ANK3: variants seen among roughly 807,000 people sequenced by gnomAD.
ANK3 encodes ankyrin-3.
In ANK3, 57 loss-of-function variants were observed where a neutral mutation model predicts 370.9. The observed-to-expected ratio is 0.15, with a 90% CI of 0.12 to 0.19. ANK3 has a LOEUF of 0.19. Ranked by LOEUF, ANK3 falls within the 10% of genes least tolerant of loss-of-function variation. The pLI is 1.00. For missense variants in ANK3, 4,439 were observed against 5,302.1 expected (o/e 0.84, Z 5.06); for synonymous variants, 1,929 against 1,946.3 (o/e 0.99, Z 0.23).
chr10:60,335,715 A>G (rs1309692122), intron 1 of ANK3, among the ~76,000 whole-genome samples: 1 of 152,212 alleles, frequency 6.6e-6, no homozygotes, highest in Non-Finnish European at 1.5e-5. Context: ...ATGGCAGGAC[A>G]TCATCCATAT....
chr10:60,159,770 G>A (rs2132275426), intron 23 of ANK3, among the ~76,000 whole-genome samples: 1 of 152,084 alleles, frequency 6.6e-6, no homozygotes, highest in East Asian at 1.9e-4. Context: ...GAGAAACCTT[G>A]GAAACTATGC....
intron 4 of ANK3, among the ~76,000 whole-genome samples, chr10:60,271,761 G>C (rs936293052): frequency 6.6e-6 from 1 of 151,820 alleles, no homozygotes; most frequent in African/African-American, 2.4e-5. Flanking sequence ...TTATAACTGA[G>C]AATTAGAAAG....
intron 2 of ANK3, among the ~76,000 whole-genome samples, chr10:60,534,530 T>C (rs547478236): frequency 3.9e-5 from 6 of 152,130 alleles, no homozygotes; most frequent in Admixed American, 6.6e-5. Context: ...AAGGGTCCTA[T>C]GCATAAAATA....
chr10:60,365,637 A>G (rs2059289392), intron 1 of ANK3, among the ~76,000 whole-genome samples: 1 of 152,230 alleles, frequency 6.6e-6, no homozygotes, highest in South Asian at 2.1e-4. Flanking sequence ...AGAGAAAAAC[A>G]TCAGGGACTT....
chr10:60,230,119 T>G lies in ANK3; in HGVS notation c.897+4569A>C, dbSNP rs146973011. The stretch of plus-strand genomic sequence containing the variant: ...ATGGAGAGGAGTCAGTGAAAAGAGA[T>G]AGAGAACTCAAGTCTCAAAATGGTT... On this transcript the variant is annotated intron_variant, in intron 8 of 43. Coordinates refer to ENST00000280772, the MANE Select transcript of ANK3 (RefSeq NM_020987.5). Among the ~76,000 whole-genome samples, 307 of 152,300 alleles carry G rather than the reference T, an allele frequency of 2.0e-3. 2 individuals carry two copies. The highest frequency in any genetic ancestry group is 7.1e-3 in the African/African-American group (295 of 41,558).
At chr10:60,149,646 A>T (rs1001058448) in intron 23 of ANK3, among the ~76,000 whole-genome samples, 1 of 152,208 alleles carries the variant, frequency 6.6e-6, no homozygotes, top group South Asian at 2.1e-4. Flanking sequence ...TTCTGTCTAT[A>T]TCCAGGATAT....
At chr10:60,330,206 C>A (rs2050887519) in intron 1 of ANK3, among the ~76,000 whole-genome samples, 1 of 152,130 alleles carries the variant, frequency 6.6e-6, no homozygotes, top group East Asian at 1.9e-4. Flanking sequence ...TAGGCAATAC[C>A]ATTCAGGACA....
chr10:60,706,648 C>G (rs540059376), intron 1 of ANK3, among the ~76,000 whole-genome samples: 5 of 151,814 alleles, frequency 3.3e-5, no homozygotes, highest in African/African-American at 1.2e-4. Context: ...TCTTACATCT[C>G]TCCTTCGTAT....
intron 1 of ANK3, among the ~76,000 whole-genome samples, chr10:60,728,145 C>T (rs558161870): frequency 6.8e-4 from 104 of 152,202 alleles, no homozygotes; most frequent in Middle Eastern, 6.8e-3. Flanking sequence ...ACCAGCCTAC[C>T]ACTGATAATA....
intron 16 of ANK3, 56 bp downstream of exon 16, chr10:60,196,089 A>G: frequency 4.1e-6 from 6 of 1,470,160 alleles, no homozygotes; most frequent in Non-Finnish European, 4.7e-6. Flanking sequence ...AGATGTGCAG[A>G]TAGAGACTGA....
intron 1 of ANK3, among the ~76,000 whole-genome samples, chr10:60,680,202 A>T (rs2133389929): frequency 6.6e-6 from 1 of 152,296 alleles, no homozygotes; most frequent in Non-Finnish European, 1.5e-5. Context: ...AAAAATATAA[A>T]ACTTGCCTTG....
intron 2 of ANK3, among the ~76,000 whole-genome samples, chr10:60,417,875 T>C (rs2063700656): frequency 6.6e-6 from 1 of 152,108 alleles, no homozygotes; most frequent in Non-Finnish European, 1.5e-5. Context: ...AGATAATCAC[T>C]CAAAATAAAA....
At chr10:60,336,603 A>T (rs758890777) in intron 1 of ANK3, among the ~76,000 whole-genome samples, 1 of 147,716 alleles carries the variant, frequency 6.8e-6, no homozygotes, top group Non-Finnish European at 1.5e-5. Context: ...ATCTATTTAC[A>T]TATTTAGCTA....
chr10:60,103,279 G>C (rs2091629586), intron 28 of ANK3, among the ~76,000 whole-genome samples: 1 of 152,120 alleles, frequency 6.6e-6, no homozygotes, highest in South Asian at 2.1e-4. Context: ...GAAACCTTGA[G>C]TGACCTGGTC....
At chr10:60,233,869 C>T (rs949920418) in intron 8 of ANK3, among the ~76,000 whole-genome samples, 2 of 152,142 alleles carry the variant, frequency 1.3e-5, no homozygotes, top group African/African-American at 4.8e-5. Flanking sequence ...TTTCATCTTG[C>T]AGAACTAAAA....
In ANK3 at chr10:60,235,575, T is replaced by C. The variant is rs549673585; in HGVS notation, c.799-789A>G. ...GTTTTTTTTTTTTTTTTTTTTTTTT[T>C]TCTTTTTAAGTGACAGAGTCTCGTT... On this transcript the variant is annotated intron_variant, in intron 7 of 43. Coordinates refer to ENST00000280772, the MANE Select transcript of ANK3 (RefSeq NM_020987.5). 6.3e-3 allele frequency among the ~76,000 whole-genome samples: 681 copies of C among 107,532 alleles called. 2 individuals are homozygous for C. Among genetic ancestry groups the C allele is most frequent in the African/African-American group, 0.023 (628 of 26,942 alleles). 70.5% of individuals were successfully genotyped at this position (107,532 alleles called of 152,430 possible).
In ANK3 at chr10:60,068,807, A is replaced by C; in HGVS notation, c.12074T>G (p.Leu4025Trp). The C allele has an allele frequency of 6.2e-7, 1 of 1,614,232 alleles. No individual in the cohort carries two copies. Among genetic ancestry groups the C allele is most frequent in the Non-Finnish European group, 8.5e-7 (1 of 1,180,030 alleles). ...SEEEKKMQSE[L>W]SDEEESTSRN... The stretch of plus-strand genomic sequence containing the variant: ...TGAGGTACTTTCTTCCTCATCGGAC[A>C]ACTCGGACTGCATCTTTTTTTCTTC... Residue 4025 changes from leucine to tryptophan, a missense_variant, in exon 37 of 44, where the codon TTG becomes TGG. Leu to Trp is a moderately conservative substitution (Grantham distance 61). This residue lies in a region of ANK3 where 496 missense variants were observed against 529.3 expected (regional missense o/e 0.94). Coordinates refer to ENST00000280772, the MANE Select transcript of ANK3 (RefSeq NM_020987.5).
At position 60,263,807 on chromosome 10, in the gene ANK3, T is replaced by C. The variant is rs201799188; in HGVS notation, c.699+28A>G. On this transcript the variant is annotated intron_variant, in intron 6 of 43. Transcript: ENST00000280772. ...GTGTGTCTAACACCGGAGAGTTGCATGACAGGCCCGTGTCCCTCGTGCCTC... is the reference window on the plus strand; with the variant it reads ...GTGTGTCTAACACCGGAGAGTTGCACGACAGGCCCGTGTCCCTCGTGCCTC... 117 of 1,612,358 alleles carry C rather than the reference T, an allele frequency of 7.3e-5. No individual in the cohort carries two copies. The African/African-American group carries it at 1.3e-3, about 19-fold the overall frequency.
At chr10:60,610,795 T>C (rs2078190714) in intron 2 of ANK3, among the ~76,000 whole-genome samples, 1 of 152,200 alleles carries the variant, frequency 6.6e-6, no homozygotes, top group African/African-American at 2.4e-5. Context: ...CAGACTTCGT[T>C]TCTGAAATCT....
Sources: gnomAD v4.1 joint callset for allele counts (sites outside exome capture counted in the v4.1 genomes callset) on GRCh38, gnomAD v4.1.1 for gene constraint, gnomAD v4.1.1 regional missense constraint, MANE v1.5 for transcripts, NCBI Gene and HGNC (gene_info 2026-07-23, HGNC 2026-07-21) for gene names.